The following NR1I2 variants were observed in gnomAD, a reference collection of about 807,000 sequenced individuals.
NR1I2 encodes nuclear receptor subfamily 1 group I member 2, also known as orphan nuclear receptor PAR1.
In NR1I2, 42 loss-of-function variants were observed where a neutral mutation model predicts 43.3. That is an observed-to-expected ratio of 0.97 (90% CI 0.76 to 1.26). The LOEUF is 1.26. Among genes scored for constraint, NR1I2 ranks in the 50% most tolerant of loss-of-function variants. The probability of loss-of-function intolerance (pLI) is 0.00; values close to 1 mark genes in which losing one functional copy is unlikely to be tolerated. For missense variants in NR1I2, 559 were observed against 566.7 expected (o/e 0.99, Z 0.14); for synonymous variants, 229 against 215.0 (o/e 1.06, Z -0.57).
intron 1 of NR1I2, among the ~76,000 whole-genome samples, chr3:119,803,349 A>AAG (rs3030842): frequency 0.032 from 4,701 of 147,942 alleles, 205 homozygotes; most frequent in African/African-American, 0.11. Context: ...TCTGTCTCAA[A>AAG]AGAGAGAGAG....
chr3:119,809,372 C>T (rs1388658727), intron 2 of NR1I2, among the ~76,000 whole-genome samples: 1 of 152,024 alleles, frequency 6.6e-6, no homozygotes, highest in African/African-American at 2.4e-5. Flanking sequence ...GTGGGTCCCG[C>T]CTGCACGCTC....
chr3:119,812,622 T>C, intron 4 of NR1I2, 64 bp from the exon 5 acceptor site: 2 of 1,601,234 alleles, frequency 1.2e-6, no homozygotes, highest in Non-Finnish European at 1.7e-6. Context: ...GGGGCCTGAG[T>C]TGGGACCTGT....
rs767109729 is a variant in NR1I2 at position 119,810,212 on chromosome 3, G to C, written c.331+18G>C. The C allele has an allele frequency of 3.8e-6, 6 of 1,581,040 alleles. No homozygotes were observed. Among genetic ancestry groups the C allele is most frequent in the Non-Finnish European group, 5.2e-6 (6 of 1,163,520 alleles). On this transcript the variant is annotated intron_variant, in intron 3 of 8. Coordinates refer to ENST00000393716, the MANE Select transcript of NR1I2 (RefSeq NM_003889.4). ...GAAGGAGAGTGAGCAGTGGGCGCGCGGGCGGGCCGGCGCCGGGGTGCACGG... is the reference window on the plus strand; with the variant it reads ...GAAGGAGAGTGAGCAGTGGGCGCGCCGGCGGGCCGGCGCCGGGGTGCACGG...
At position 119,790,255 on chromosome 3, in the gene NR1I2, G is replaced by T. The variant is rs139066288; in HGVS notation, c.-23+7955G>T. Among the ~76,000 whole-genome samples the T allele has an allele frequency of 4.9e-3, 740 of 152,040 alleles. 4 individuals are homozygous for T. The highest frequency in any genetic ancestry group is 0.017 in the African/African-American group (685 of 41,474). On this transcript the variant is annotated intron_variant, in intron 1 of 8. Coordinates refer to ENST00000393716, the MANE Select transcript of NR1I2 (RefSeq NM_003889.4). ...GTGTTAGAATTTCCTTTTTTTTAAG[G>T]CTGACTCATATTCTATTGTAGTATG...
intron 1 of NR1I2, among the ~76,000 whole-genome samples, chr3:119,805,461 C>G (rs936114798): frequency 2.0e-5 from 3 of 151,940 alleles, no homozygotes; most frequent in African/African-American, 7.3e-5. Flanking sequence ...GAGGCTGAGG[C>G]GGAGGCTGAG....
At chr3:119,790,397 G>T (rs894420932) in intron 1 of NR1I2, among the ~76,000 whole-genome samples, 2 of 152,046 alleles carry the variant, frequency 1.3e-5, no homozygotes, top group African/African-American at 4.8e-5. Context: ...TCAAGACCCC[G>T]ATTTCAGTTC....
At chr3:119,811,344 T>A (rs1385622476) in intron 3 of NR1I2, 195 bp from the exon 4 acceptor site, 2 of 595,472 alleles carry the variant, frequency 3.4e-6, no homozygotes, top group African/African-American at 1.9e-5. Context: ...ACCTCATCTC[T>A]GTCCTCACCC....
At chr3:119,783,630 C>G (rs2054807260) in intron 1 of NR1I2, among the ~76,000 whole-genome samples, 2 of 152,112 alleles carry the variant, frequency 1.3e-5, no homozygotes, top group African/African-American at 2.4e-5. Flanking sequence ...TAGGTAATAA[C>G]TTTTTAAATT....
chr3:119,807,514 C>T (rs1380622262), intron 2 of NR1I2, 67 bp downstream of exon 2: 2 of 1,395,644 alleles, frequency 1.4e-6, no homozygotes, highest in African/African-American at 1.4e-5. Flanking sequence ...CTCAGGGCCT[C>T]AGCTTGACCT....
At chr3:119,807,533 G>C in intron 2 of NR1I2, 86 bp downstream of exon 2, 1 of 1,199,104 alleles carries the variant, frequency 8.3e-7, no homozygotes, top group Non-Finnish European at 1.2e-6. Flanking sequence ...CTGTCCCCCA[G>C]GTTCAGAGTG....
At chr3:119,808,709 A>G (rs1195761902) in intron 2 of NR1I2, among the ~76,000 whole-genome samples, 1 of 152,232 alleles carries the variant, frequency 6.6e-6, no homozygotes, top group Non-Finnish European at 1.5e-5. Context: ...TCAGCTTGTC[A>G]TGTACCTGGA....
chr3:119,802,214 G>A (rs1452235682), intron 1 of NR1I2, among the ~76,000 whole-genome samples: 1 of 152,198 alleles, frequency 6.6e-6, no homozygotes, highest in Non-Finnish European at 1.5e-5. Flanking sequence ...ACTATAGAAT[G>A]TGCCAGAGTC....
At chr3:119,796,600 C>G (rs998828181) in intron 1 of NR1I2, among the ~76,000 whole-genome samples, 1 of 152,234 alleles carries the variant, frequency 6.6e-6, no homozygotes, top group African/African-American at 2.4e-5. Flanking sequence ...ACTTCACACA[C>G]ATTTTCTTTC....
chr3:119,815,958 G>T, intron 8 of NR1I2, 127 bp downstream of exon 8: 1 of 777,440 alleles, frequency 1.3e-6, no homozygotes, highest in East Asian at 2.7e-5. Flanking sequence ...CAGGTCCAAA[G>T]CTCACACTTT....
intron 1 of NR1I2, among the ~76,000 whole-genome samples, chr3:119,783,224 T>C (rs2107940627): frequency 6.6e-6 from 1 of 152,340 alleles, no homozygotes; most frequent in East Asian, 1.9e-4. Flanking sequence ...TTTAGTTATG[T>C]CATAAAAGTC....
In NR1I2 at chr3:119,810,109, C is replaced by G; in HGVS notation, c.246C>G (p.Gly82=). The G allele has an allele frequency of 1.2e-6, 2 of 1,613,708 alleles. No individual in the cohort carries two copies. The highest frequency in any genetic ancestry group is 1.7e-6 in the Non-Finnish European group (2 of 1,179,914). The change falls in exon 3 of 9, where the codon GGC becomes GGG. Residue 82 remains glycine (G), a synonymous_variant. Transcript: ENST00000393716. ...GGCTGAGGTGCCCCTTCCGGAAGGG[C>G]GCCTGCGAGATCACCCGGAAGACCC...
chr3:119,799,131 T>G (rs1443177980), intron 1 of NR1I2, among the ~76,000 whole-genome samples: 1 of 152,212 alleles, frequency 6.6e-6, no homozygotes, highest in East Asian at 1.9e-4. Flanking sequence ...TTTTCTTAAG[T>G]GGCTGCACCA....
rs113594465 is a variant in NR1I2 at position 119,817,266 on chromosome 3, A to G, written c.*54A>G. 6.2e-7 allele frequency: 1 copy of G among 1,607,726 alleles called. No homozygotes were observed. The highest frequency in any genetic ancestry group is 2.2e-5 in the East Asian group (1 of 44,842). On this transcript the variant is annotated 3_prime_UTR_variant, in exon 9 of 9. Coordinates refer to ENST00000393716, the MANE Select transcript of NR1I2 (RefSeq NM_003889.4). Reference sequence around the variant, plus strand: ...AGGCAGCCAGACCCAGAGCCCTCTGAGCCGCCACTCCCGGGCCAAGACAGA... The same window carrying G: ...AGGCAGCCAGACCCAGAGCCCTCTGGGCCGCCACTCCCGGGCCAAGACAGA...
intron 1 of NR1I2, among the ~76,000 whole-genome samples, chr3:119,793,528 G>GT (rs1307461240): frequency 2.2e-4 from 34 of 152,312 alleles, no homozygotes; most frequent in African/African-American, 6.7e-4. Context: ...TCTAGATGCC[G>GT]TGGCAATCCT....
Sources: allele counts gnomAD v4.1 joint callset (sites outside exome capture counted in the v4.1 genomes callset), GRCh38; gene constraint gnomAD v4.1.1; transcripts MANE v1.5; gene names NCBI Gene and HGNC (gene_info 2026-07-23, HGNC 2026-07-21).